Variants in DOCK3 observed in about 807,000 individuals in gnomAD.
DOCK3 encodes dedicator of cytokinesis 3.
In DOCK3, 60 loss-of-function variants were observed where a neutral mutation model predicts 265.6. The observed-to-expected ratio is 0.23, with a 90% CI of 0.18 to 0.28. The LOEUF (loss-of-function observed/expected upper bound fraction) is 0.28. DOCK3 is among the 10% of genes least tolerant of loss of function. DOCK3 has a pLI of 1.00. For missense variants in DOCK3, 1,981 were observed against 2,594.3 expected, an observed-to-expected ratio of 0.76 and a Z score of 5.14; for synonymous variants, 881 against 938.0, an observed-to-expected ratio of 0.94 and a Z score of 1.11.
chr3:51,345,903 G>C (rs1252406270), intron 38 of DOCK3, among the ~76,000 whole-genome samples: 1 of 152,244 alleles, frequency 6.6e-6, no homozygotes, highest in Admixed American at 6.5e-5. Context: ...TTATATCTGA[G>C]ATTTGTTTCA....
chr3:51,226,469 C>T (rs1314534981), intron 15 of DOCK3, among the ~76,000 whole-genome samples: 1 of 152,176 alleles, frequency 6.6e-6, no homozygotes, highest in East Asian at 1.9e-4. Context: ...AATGATCATT[C>T]CCATTTGACA....
At chr3:50,996,257 G>A (rs1487919168) in intron 5 of DOCK3, among the ~76,000 whole-genome samples, 1 of 142,712 alleles carries the variant, frequency 7.0e-6, no homozygotes, top group Non-Finnish European at 1.5e-5. Context: ...TCGCTCTGTC[G>A]CCCAGGCTGG....
chr3:51,265,735 G>T (rs1263707709), intron 23 of DOCK3, among the ~76,000 whole-genome samples: 1 of 152,096 alleles, frequency 6.6e-6, no homozygotes, highest in African/African-American at 2.4e-5. Context: ...CAAACCCACA[G>T]CCAATATACT....
chr3:50,744,877 C>G (rs972221537), intron 1 of DOCK3, among the ~76,000 whole-genome samples: 1 of 152,138 alleles, frequency 6.6e-6, no homozygotes, highest in African/African-American at 2.4e-5. Flanking sequence ...TTAAAAATGT[C>G]TCATGGTTTA....
At position 51,282,394 on chromosome 3, in the gene DOCK3, A is replaced by T. The variant is rs576463851; in HGVS notation, c.2922+2190A>T. On this transcript the variant is annotated intron_variant, in intron 27 of 52. Coordinates refer to ENST00000266037, the MANE Select transcript of DOCK3 (RefSeq NM_004947.5). ...GCAGTGGCTGTCACCTGTAATCCCA[A>T]CACTTTGGGAGACCAAGGCGGGCGG... Among the ~76,000 whole-genome samples the T allele has an allele frequency of 2.0e-5, 3 of 152,136 alleles. No individual in the cohort carries two copies. In the East Asian group the frequency reaches 5.8e-4, roughly 29 times the overall value.
intron 2 of DOCK3, among the ~76,000 whole-genome samples, chr3:50,796,546 C>T (rs2042794989): frequency 6.6e-6 from 1 of 151,544 alleles, no homozygotes; most frequent in Non-Finnish European, 1.5e-5. Context: ...CCATGTTGGT[C>T]AGGCTGGTCT....
intron 5 of DOCK3, among the ~76,000 whole-genome samples, chr3:51,013,476 T>C (rs1353049812): frequency 6.6e-6 from 1 of 152,218 alleles, no homozygotes; most frequent in Admixed American, 6.5e-5. Context: ...GTATCACCAG[T>C]GGAGGCTGCA....
At chr3:50,905,079 T>A (rs1256554038) in intron 4 of DOCK3, among the ~76,000 whole-genome samples, 1 of 152,056 alleles carries the variant, frequency 6.6e-6, no homozygotes, top group Non-Finnish European at 1.5e-5. Context: ...TGTAGATGTG[T>A]GGTATTATTT....
chr3:51,348,706 A>T lies in DOCK3; in HGVS notation c.3916-146A>T, dbSNP rs529393840. On this transcript the variant is annotated intron_variant, in intron 38 of 52. Transcript: ENST00000266037. ...CCACACGGCTGTGTCATGCCCCCCA[A>T]ATTGGTCTTGAGGTATATGTTCTTT... 23 of 738,398 alleles carry T rather than the reference A, an allele frequency of 3.1e-5. No homozygotes were observed. In the African/African-American group the frequency reaches 3.1e-4, roughly 10 times the overall value. 45.7% of individuals were successfully genotyped at this position (738,398 alleles called of 1,614,324 possible).
At chr3:50,720,974 A>G (rs1289033064) in intron 1 of DOCK3, among the ~76,000 whole-genome samples, 1 of 150,850 alleles carries the variant, frequency 6.6e-6, no homozygotes, top group Non-Finnish European at 1.5e-5. Flanking sequence ...TTTTTTTTTC[A>G]TATGCTTGTT....
chr3:51,301,985 AT>A (rs1185477256), intron 27 of DOCK3, among the ~76,000 whole-genome samples: 3 of 152,168 alleles, frequency 2.0e-5, no homozygotes, highest in African/African-American at 7.2e-5. Flanking sequence ...GAATATCCTT[AT>A]TAATTTTCTG....
intron 10 of DOCK3, among the ~76,000 whole-genome samples, chr3:51,150,424 A>G (rs1452361810): frequency 2.0e-5 from 3 of 151,896 alleles, no homozygotes; most frequent in African/African-American, 4.8e-5. Context: ...TTTAATTGTG[A>G]TGTTAGGGTG....
intron 2 of DOCK3, chr3:50,787,533 C>G (rs558658083): frequency 3.2e-6 from 2 of 634,406 alleles, no homozygotes; most frequent in African/African-American, 3.7e-5. Context: ...AAAACTGTCT[C>G]AAAAACAAAA....
At chr3:50,950,122 G>A (rs947796175) in intron 5 of DOCK3, among the ~76,000 whole-genome samples, 2 of 150,816 alleles carry the variant, frequency 1.3e-5, no homozygotes, top group Admixed American at 6.6e-5. Context: ...TTTCAAGTTT[G>A]TGTGGTTCAT....
chr3:51,240,772 A>T (rs1279136149), intron 21 of DOCK3, among the ~76,000 whole-genome samples: 1 of 151,746 alleles, frequency 6.6e-6, no homozygotes, highest in Non-Finnish European at 1.5e-5. Flanking sequence ...TCTGTTTTCC[A>T]TTTGCTGGGT....
intron 9 of DOCK3, among the ~76,000 whole-genome samples, chr3:51,136,705 G>T (rs892745879): frequency 1.3e-5 from 2 of 151,990 alleles, no homozygotes; most frequent in African/African-American, 4.8e-5. Flanking sequence ...AATGTTTGTT[G>T]AAAAAATAAA....
At chr3:51,283,113 A>G (rs1470649478) in intron 27 of DOCK3, among the ~76,000 whole-genome samples, 3 of 152,184 alleles carry the variant, frequency 2.0e-5, no homozygotes, top group East Asian at 3.8e-4. Context: ...ACAGACACCA[A>G]ATAAACATCT....
At chr3:51,332,853 A>T (rs1187232096) in intron 33 of DOCK3, 148 bp from the exon 34 acceptor site, 5 of 890,726 alleles carry the variant, frequency 5.6e-6, no homozygotes, top group Middle Eastern at 2.6e-4. Flanking sequence ...GTTACAGTGT[A>T]TGCCTAAGGT....
intron 9 of DOCK3, among the ~76,000 whole-genome samples, chr3:51,104,238 A>G (rs1427703818): frequency 6.6e-6 from 1 of 152,232 alleles, no homozygotes; most frequent in East Asian, 1.9e-4. Context: ...TACCAGTGTC[A>G]TTGGAACAAA....
Sources: gnomAD v4.1 joint callset for allele counts (sites outside exome capture counted in the v4.1 genomes callset) on GRCh38, gnomAD v4.1.1 for gene constraint, MANE v1.5 for transcripts, NCBI Gene and HGNC (gene_info 2026-07-23, HGNC 2026-07-21) for gene names.